Variants in SLC5A10 observed in about 807,000 individuals in gnomAD.
SLC5A10 encodes the protein sodium/mannose cotransporter SLC5A10.
Under a neutral mutation model 68.9 loss-of-function variants are expected in SLC5A10, and 55 were observed. The ratio of observed to expected loss-of-function variants is 0.80; its 90% CI spans 0.64 to 1.00. The LOEUF (loss-of-function observed/expected upper bound fraction) is 1.00, where lower values mean the gene tolerates loss of function less well. Among genes scored for constraint, SLC5A10 ranks in the 50% least tolerant of loss-of-function variants. SLC5A10 has a pLI of 0.00. For missense variants in SLC5A10, 732 were observed against 819.3 expected (o/e 0.89, Z 1.30); for synonymous variants, 344 against 344.8 (o/e 1.00, Z 0.02).
In SLC5A10 at chr17:18,972,226, G is replaced by T. The variant is rs919281974; in HGVS notation, c.846+1008G>T. Among the ~76,000 whole-genome samples the T allele has an allele frequency of 3.3e-5, 5 of 152,340 alleles. 1 individual carries two copies. Among genetic ancestry groups the T allele is most frequent in the Admixed American group, 2.0e-4 (3 of 15,302 alleles). ...CAAAGGCCGTGGGCAGCTCCAGGGA[G>T]CATGGGGGTGGGAAAAGGCCTGTGA... On this transcript the variant is annotated intron_variant, in intron 8 of 14. Transcript: ENST00000395645.
At chr17:18,981,058 A>C (rs1303188779) in intron 9 of SLC5A10, among the ~76,000 whole-genome samples, 1 of 152,136 alleles carries the variant, frequency 6.6e-6, no homozygotes, top group Non-Finnish European at 1.5e-5. Flanking sequence ...TCATTCACAT[A>C]GTCATCAACC....
intron 8 of SLC5A10, among the ~76,000 whole-genome samples, chr17:18,973,135 G>A (rs1001233235): frequency 6.6e-6 from 1 of 152,226 alleles, no homozygotes; most frequent in Non-Finnish European, 1.5e-5. Context: ...AAGGTTGGCC[G>A]TGGAGGGCAC....
At chr17:18,991,145 C>T (rs906542592) in intron 9 of SLC5A10, among the ~76,000 whole-genome samples, 1 of 152,238 alleles carries the variant, frequency 6.6e-6, no homozygotes, top group African/African-American at 2.4e-5. Flanking sequence ...TTGCCTAATT[C>T]TGTTGGGAGG....
In SLC5A10 at chr17:18,996,549, A is replaced by G. The variant is rs2043576856; in HGVS notation, c.983-16861A>G. On this transcript the variant is annotated intron_variant, in intron 9 of 14. Transcript: ENST00000395645. This position sits in a 1 kb window ranked among gnomAD's most constrained non-coding sequence, Gnocchi z 4.4. ...AGTCTGTCACCGAGAGGACTAGTTT[A>G]GCTAACAGTCTCATCTTGCCTCCCA... Among the ~76,000 whole-genome samples the G allele has an allele frequency of 6.6e-6, 1 of 152,132 alleles. No individual in the cohort carries two copies. The highest frequency in any genetic ancestry group is 1.5e-5 in the Non-Finnish European group (1 of 68,020).
At position 18,971,015 on chromosome 17, in the gene SLC5A10, T is replaced by C. The variant is rs1162721933; in HGVS notation, c.643T>C (p.Phe215Leu). ...CTGTTCCACCCTGACCCCTCCAGCT[T>C]TTGACCAGATCGGTGGTTACGGGCA... ...VGAVILTIKA[F>L]DQIGGYGQLE... is the part of the protein sequence containing the mutation. The change falls in exon 8 of 15, where the codon TTT becomes CTT. Residue 215 changes from phenylalanine (F) to leucine (L), a missense_variant and splice_region_variant. Physicochemically the swap from Phe to Leu is conservative, Grantham distance 22 (BLOSUM62 0). Coordinates refer to ENST00000395645, the MANE Select transcript of SLC5A10 (RefSeq NM_001042450.4). The surrounding 1 kb of genome is among the most constrained non-coding windows in gnomAD (Gnocchi z 5.5). The C allele has an allele frequency of 6.2e-7, 1 of 1,613,686 alleles. No individual in the cohort carries two copies. Among genetic ancestry groups the C allele is most frequent in the Non-Finnish European group, 8.5e-7 (1 of 1,180,004 alleles).
intron 4 of SLC5A10, among the ~76,000 whole-genome samples, chr17:18,960,335 T>G (rs1237222333): frequency 2.0e-5 from 3 of 152,196 alleles, no homozygotes; most frequent in Non-Finnish European, 2.9e-5. Flanking sequence ...AGCCTGCCAC[T>G]CCCCTGCCTG....
chr17:18,955,476 C>A (rs185407332), intron 1 of SLC5A10, among the ~76,000 whole-genome samples: 1 of 152,234 alleles, frequency 6.6e-6, no homozygotes. Context: ...CTTCGGGGAA[C>A]CTTAAATGGG....
chr17:18,974,642 A>G (rs2042935676), intron 8 of SLC5A10, among the ~76,000 whole-genome samples: 1 of 152,196 alleles, frequency 6.6e-6, no homozygotes, highest in African/African-American at 2.4e-5. Flanking sequence ...CAATGGCCAC[A>G]CCCCAAAACT....
At chr17:18,957,050 G>A (rs2042518475) in intron 1 of SLC5A10, among the ~76,000 whole-genome samples, 1 of 152,156 alleles carries the variant, frequency 6.6e-6, no homozygotes, top group Non-Finnish European at 1.5e-5. Context: ...TCGGGAGGCT[G>A]AGGCAGGAGA....
At chr17:18,987,553 G>A (rs2043302520) in intron 9 of SLC5A10, among the ~76,000 whole-genome samples, 1 of 152,188 alleles carries the variant, frequency 6.6e-6, no homozygotes, top group Non-Finnish European at 1.5e-5. Flanking sequence ...ATGAGATCCT[G>A]TAGCCCAGAG....
At chr17:19,014,386 T>A (rs947906117) in intron 10 of SLC5A10, among the ~76,000 whole-genome samples, 1 of 152,048 alleles carries the variant, frequency 6.6e-6, no homozygotes, top group Non-Finnish European at 1.5e-5. Flanking sequence ...CCGCACCTCC[T>A]AGGGGAGCCC....
At chr17:18,988,148 C>T in intron 9 of SLC5A10, 1 of 1,504,222 alleles carries the variant, frequency 6.6e-7, no homozygotes, top group South Asian at 1.3e-5. Context: ...GTGCCTGGCA[C>T]AGGACTCCGT....
intron 9 of SLC5A10, chr17:18,977,737 T>G: frequency 1.2e-6 from 2 of 1,607,458 alleles, no homozygotes; most frequent in Middle Eastern, 1.7e-4. Flanking sequence ...GGCGCGGTGG[T>G]GGGGTTGGCC....
At chr17:18,969,999 A>C (rs1222840183) in intron 7 of SLC5A10, 3 of 152,422 alleles carry the variant, frequency 2.0e-5, no homozygotes, top group African/African-American at 7.2e-5. Flanking sequence ...CAGAGAGTGA[A>C]CAAATCTCTA....
intron 9 of SLC5A10, among the ~76,000 whole-genome samples, chr17:18,984,383 C>T (rs2472713): frequency 0.99 from 149,146 of 150,678 alleles, 73,888 homozygotes; most frequent in Middle Eastern, 1. Flanking sequence ...CCTGAATCCA[C>T]CACAGACCCA....
Position 19,020,530 on chromosome 17 carries a change from C to A in SLC5A10, c.*99C>A. On this transcript the variant is annotated 3_prime_UTR_variant, in exon 15 of 15. Transcript: ENST00000395645. ...GGCCCCAAGAGGGGCAGATTCCCCT[C>A]ACAGCTGCACAGCAGCTCGGTGCCC... 1.8e-6 allele frequency: 2 copies of A among 1,114,500 alleles called. No homozygotes were observed. The highest frequency in any genetic ancestry group is 2.6e-6 in the Non-Finnish European group (2 of 771,976). 69.0% of individuals were successfully genotyped at this position (1,114,500 alleles called of 1,614,324 possible). A position where few individuals can be genotyped will look rare whatever the true frequency, so the allele number is the denominator to read the frequency against.
intron 2 of SLC5A10, 114 bp downstream of exon 2, chr17:18,958,867 G>A (rs925937679): frequency 1.4e-5 from 18 of 1,282,214 alleles, no homozygotes; most frequent in South Asian, 2.6e-5. Context: ...GGAGCAGGCC[G>A]GAGGCTGGCA....
At chr17:18,994,621 C>T (rs12941718) in intron 9 of SLC5A10, among the ~76,000 whole-genome samples, 12 of 152,134 alleles carry the variant, frequency 7.9e-5, no homozygotes, top group Non-Finnish European at 1.2e-4. Flanking sequence ...CACGCAGGAC[C>T]GGGAATAGTG....
intron 9 of SLC5A10, among the ~76,000 whole-genome samples, chr17:19,009,826 G>T (rs2043976861): frequency 6.6e-6 from 1 of 152,104 alleles, no homozygotes; most frequent in African/African-American, 2.4e-5. Flanking sequence ...TAGAGTTATT[G>T]GTGCTGTGGA....
Sources: gnomAD v4.1 joint callset for allele counts (sites outside exome capture counted in the v4.1 genomes callset) on GRCh38, gnomAD v4.1.1 for gene constraint, Gnocchi (gnomAD v3.1) non-coding constraint, MANE v1.5 for transcripts, NCBI Gene and HGNC (gene_info 2026-07-23, HGNC 2026-07-21) for gene names.